Variants in ATP2C1 observed in about 807,000 individuals in gnomAD.
ATP2C1 encodes the protein calcium-transporting ATPase type 2C member 1.
A neutral mutation model predicts 120.5 loss-of-function variants in ATP2C1; 31 were observed. The observed-to-expected ratio is 0.26, with a 90% CI of 0.19 to 0.35. The LOEUF (loss-of-function observed/expected upper bound fraction) is 0.35, where lower values mean the gene tolerates loss of function less well. ATP2C1 is among the 10% of genes least tolerant of loss of function. The pLI is 1.00. For synonymous variants in ATP2C1, 351 were observed against 358.7 expected, an observed-to-expected ratio of 0.98 and a Z score of 0.24; for missense variants, 731 against 1,107.5, an observed-to-expected ratio of 0.66 and a Z score of 4.83.
Position 130,979,225 on chromosome 3 carries a change from GT to G in ATP2C1, c.1571-21del, listed in dbSNP as rs753284622. The G allele has an allele frequency of 5.6e-6, 9 of 1,610,050 alleles. No homozygotes were observed. In the East Asian group the frequency reaches 1.8e-4, roughly 32 times the overall value. ...TCATGACTCACTTTTTTTTGTTGTT[GT>G]TTGGATTTTATTATTTCCTAAGTTC... On this transcript the variant is annotated intron_variant, in intron 18 of 27. Transcript: ENST00000510168.
chr3:130,930,138 CTT>C (rs2059391641), intron 2 of ATP2C1: 1 of 419,556 alleles, frequency 2.4e-6, no homozygotes, highest in East Asian at 5.5e-5. Flanking sequence ...ACTTTTTACT[CTT>C]ATGTTGGTGG....
rs1267003946 is a variant in ATP2C1 at position 130,980,671 on chromosome 3, G to A, written c.1831G>A (p.Val611Ile). Residue 611 changes from valine (V) to isoleucine (I), a missense_variant, in exon 20 of 28, where the codon GTA (valine) becomes ATA (isoleucine). This residue lies in a region of ATP2C1 where 571 missense variants were observed against 845.9 expected (regional missense o/e 0.67). Coordinates refer to ENST00000510168, the MANE Select transcript of ATP2C1 (RefSeq NM_001378687.1). ...AMDVQQLSQI[V>I]PKVAVFYRAS... The stretch of plus-strand genomic sequence containing the variant: ...GGATGTTCAGCAGCTTTCACAAATA[G>A]TACCAAAGGTAGGCCTAAACTAAAG... The A allele has an allele frequency of 6.2e-7, 1 of 1,612,102 alleles. No homozygotes were observed. The highest frequency in any genetic ancestry group is 2.2e-5 in the East Asian group (1 of 44,778).
At chr3:130,946,064 G>A (rs556316413) in intron 8 of ATP2C1, among the ~76,000 whole-genome samples, 1 of 152,140 alleles carries the variant, frequency 6.6e-6, no homozygotes, top group African/African-American at 2.4e-5. Context: ...CTTATAGTTG[G>A]CCCCCATCAT....
intron 1 of ATP2C1, among the ~76,000 whole-genome samples, chr3:130,875,637 G>C (rs1484582061): frequency 6.6e-6 from 1 of 151,986 alleles, no homozygotes; most frequent in Non-Finnish European, 1.5e-5. Flanking sequence ...TCTTTGGATA[G>C]GTACCCGGTA....
Position 130,941,618 on chromosome 3 carries a change from A to G in ATP2C1, c.450A>G (p.Thr150=). ...TGCGTGAAGGAAAATTGGAGCATAC[A>G]CTTGCCCGAGACTTGGTTCCAGGTG... ...HCVREGKLEH[T]LARDLVPGDT... Residue 150 remains threonine (T), a synonymous_variant, in exon 8 of 28, where the codon ACA becomes ACG. Coordinates refer to ENST00000510168, the MANE Select transcript of ATP2C1 (RefSeq NM_001378687.1). The G allele has an allele frequency of 6.2e-7, 1 of 1,613,954 alleles. No individual in the cohort carries two copies. The highest frequency in any genetic ancestry group is 8.5e-7 in the Non-Finnish European group (1 of 1,179,982).
chr3:130,954,895 G>A, intron 9 of ATP2C1, 117 bp from the exon 10 acceptor site: 1 of 746,226 alleles, frequency 1.3e-6, no homozygotes, highest in Non-Finnish European at 2.4e-6. Context: ...TTAGGAGTGT[G>A]TATGTTAGAC....
chr3:131,001,964 A>G lies in ATP2C1; in HGVS notation c.*614A>G, dbSNP rs967709262. On this transcript the variant is annotated 3_prime_UTR_variant, in exon 28 of 28. Transcript: ENST00000510168. ...TTTTTGTGATTGAAAAGCCTATACT[A>G]CAATTTGAAGTAAATTTTTGTTTTT... The G allele has an allele frequency of 8.1e-6, 8 of 982,930 alleles. No homozygotes were observed. The Admixed American group carries it at 3.7e-4, about 45-fold the overall frequency. The allele number at this position is 982,930 out of a possible 1,614,324, so 60.9% of individuals were successfully genotyped here. A position where few individuals can be genotyped will look rare whatever the true frequency, so the allele number is the denominator to read the frequency against.
chr3:130,934,503 G>C, intron 4 of ATP2C1, 119 bp from the exon 5 acceptor site: 1 of 685,678 alleles, frequency 1.5e-6, no homozygotes. Context: ...AAAATAAACT[G>C]AGTATAGACT....
chr3:130,996,914 CATTT>C, intron 24 of ATP2C1, 118 bp downstream of exon 24: 1 of 782,922 alleles, frequency 1.3e-6, no homozygotes, highest in Non-Finnish European at 2.3e-6. Context: ...AATGTTTTAA[CATTT>C]ATGTTATAAA....
chr3:130,884,882 T>C (rs1040059026), intron 1 of ATP2C1, among the ~76,000 whole-genome samples: 2 of 151,932 alleles, frequency 1.3e-5, no homozygotes, highest in African/African-American at 2.4e-5. Context: ...ATTTTCAGCC[T>C]ATGTGTATCT....
At chr3:131,008,000 T>C (rs2063179742), downstream of ATP2C1, among the ~76,000 whole-genome samples, 1 of 152,254 alleles carries the variant, frequency 6.6e-6, no homozygotes, top group South Asian at 2.1e-4. Context: ...TAGGATTGCA[T>C]TAGATTTTGT....
intron 5 of ATP2C1, 71 bp from the exon 6 acceptor site, chr3:130,937,356 GA>G: frequency 1.5e-6 from 2 of 1,345,204 alleles, no homozygotes; most frequent in East Asian, 2.3e-5. Flanking sequence ...CAGATAGTTA[GA>G]AAAATAAAAT....
At chr3:130,918,553 C>T (rs1490750529) in intron 2 of ATP2C1, 7 of 744,696 alleles carry the variant, frequency 9.4e-6, no homozygotes, top group Non-Finnish European at 1.8e-5. Flanking sequence ...CACCACGGTC[C>T]ATGTTAAGTA....
At chr3:130,904,397 TGTTA>T (rs889517689) in intron 2 of ATP2C1, among the ~76,000 whole-genome samples, 24 of 152,092 alleles carry the variant, frequency 1.6e-4, no homozygotes, top group Admixed American at 1.4e-3. Flanking sequence ...TGAAGAGTAC[TGTTA>T]GTTATTTTTT....
At chr3:131,010,232 C>T (rs908766056) in intron 26 of ATP2C1, among the ~76,000 whole-genome samples, 2 of 148,576 alleles carry the variant, frequency 1.3e-5, no homozygotes, top group Non-Finnish European at 3.0e-5. Context: ...GCTCTGTTGC[C>T]CAGGCTGGAG....
chr3:130,934,542 G>GC (rs1559942187), intron 4 of ATP2C1, 80 bp from the exon 5 acceptor site: 1 of 573,218 alleles, frequency 1.7e-6, no homozygotes, highest in Non-Finnish European at 2.9e-6. Context: ...TGCTCTTATG[G>GC]TTTTTTTTTT....
At chr3:130,940,773 CCCA>C (rs1214465270) in intron 7 of ATP2C1, 82 bp downstream of exon 7, 12 of 1,064,930 alleles carry the variant, frequency 1.1e-5, no homozygotes, top group African/African-American at 3.1e-5. Flanking sequence ...TATTGTTATC[CCCA>C]CTTTGTCTGA....
At chr3:130,917,479 A>G (rs972984432) in intron 2 of ATP2C1, among the ~76,000 whole-genome samples, 4 of 152,236 alleles carry the variant, frequency 2.6e-5, no homozygotes, top group African/African-American at 9.6e-5. Flanking sequence ...TGTTTAACAC[A>G]TAACAGCTGG....
intron 1 of ATP2C1, among the ~76,000 whole-genome samples, chr3:130,881,184 C>T (rs964251746): frequency 6.6e-6 from 1 of 152,188 alleles, no homozygotes; most frequent in African/African-American, 2.4e-5. Flanking sequence ...AATGCAAACA[C>T]AGCTAGAGGC....
Sources: gnomAD v4.1 joint callset for allele counts (sites outside exome capture counted in the v4.1 genomes callset) on GRCh38, gnomAD v4.1.1 for gene constraint, gnomAD v4.1.1 regional missense constraint, MANE v1.5 for transcripts, NCBI Gene and HGNC (gene_info 2026-07-23, HGNC 2026-07-21) for gene names.